Variants in GOLGA4 observed in about 807,000 individuals in gnomAD.
The protein encoded by GOLGA4 is golgin subfamily A member 4.
In GOLGA4, 169 loss-of-function variants were observed where a neutral mutation model predicts 265.9. The observed-to-expected ratio is 0.64, with a 90% CI of 0.56 to 0.72. The LOEUF is 0.72. Ranked by LOEUF, GOLGA4 falls within the 30% of genes least tolerant of loss-of-function variation. The pLI, the probability that GOLGA4 is intolerant of heterozygous loss-of-function variation, is 0.00. For synonymous variants in GOLGA4, 923 were observed against 855.8 expected (o/e 1.08, Z -1.37); for missense variants, 2,482 against 2,483.4 (o/e 1.00, Z 0.01).
At position 37,321,905 on chromosome 3, in the gene GOLGA4, C is replaced by T; in HGVS notation, c.1701+19C>T. ...CAGAACTGTAAGTTTTAATAATATTCAGATTCTGGAGTTGTGAAATTATTT... is the reference window on the plus strand; with the variant it reads ...CAGAACTGTAAGTTTTAATAATATTTAGATTCTGGAGTTGTGAAATTATTT... On this transcript the variant is annotated intron_variant, in intron 13 of 23. Coordinates refer to ENST00000361924, the MANE Select transcript of GOLGA4 (RefSeq NM_002078.5). 9.5e-6 allele frequency: 15 copies of T among 1,572,348 alleles called. No individual in the cohort carries two copies. Among genetic ancestry groups the T allele is most frequent in the Non-Finnish European group, 1.3e-5 (15 of 1,160,684 alleles).
At chr3:37,281,895 G>T in intron 2 of GOLGA4, 63 bp from the exon 3 acceptor site, 1 of 1,059,800 alleles carries the variant, frequency 9.4e-7, no homozygotes, top group Non-Finnish European at 1.4e-6. Context: ...TGCTGGTGAT[G>T]GGGTAATGGA....
chr3:37,347,085 G>A lies in GOLGA4; in HGVS notation c.6473-108G>A. The A allele has an allele frequency of 6.8e-6, 4 of 585,278 alleles. 1 individual carries two copies. Among genetic ancestry groups the A allele is most frequent in the South Asian group, 6.1e-5 (3 of 49,242 alleles). The allele number at this position is 585,278 out of a possible 1,614,324, so 36.3% of individuals were successfully genotyped here. A position where few individuals can be genotyped will look rare whatever the true frequency, so the allele number is the denominator to read the frequency against. ...CAATGCAATATGATACAATATAAAA[G>A]CATGCCTCTCTTTGTTCCATTGGTT... On this transcript the variant is annotated intron_variant, in intron 20 of 23. Coordinates refer to ENST00000361924, the MANE Select transcript of GOLGA4 (RefSeq NM_002078.5).
chr3:37,347,789 T>C (rs999915421), intron 21 of GOLGA4, among the ~76,000 whole-genome samples: 1 of 152,184 alleles, frequency 6.6e-6, no homozygotes, highest in Middle Eastern at 3.2e-3. Context: ...TAAGTAATAA[T>C]GCTTGGCTAA....
intron 2 of GOLGA4, among the ~76,000 whole-genome samples, chr3:37,277,460 T>C (rs2096822511): frequency 6.6e-6 from 1 of 152,206 alleles, no homozygotes; most frequent in Non-Finnish European, 1.5e-5. Context: ...TAGTGTAGTA[T>C]AGCTATTGTA....
intron 4 of GOLGA4, among the ~76,000 whole-genome samples, chr3:37,286,563 C>T (rs994012001): frequency 1.3e-5 from 2 of 152,028 alleles, no homozygotes; most frequent in African/African-American, 4.8e-5. Context: ...TGAATGAGAT[C>T]CCAGAGATTT....
intron 21 of GOLGA4, among the ~76,000 whole-genome samples, chr3:37,354,027 G>A (rs928964922): frequency 1.3e-5 from 2 of 152,128 alleles, no homozygotes; most frequent in Non-Finnish European, 2.9e-5. Context: ...AATAAGTATT[G>A]GAAATATGTG....
intron 20 of GOLGA4, among the ~76,000 whole-genome samples, chr3:37,346,465 T>C (rs1241871471): frequency 1.3e-5 from 2 of 152,216 alleles, no homozygotes; most frequent in Admixed American, 6.5e-5. Flanking sequence ...TAATATTATT[T>C]TGAGATTCAT....
At position 37,243,511 on chromosome 3, in the gene GOLGA4, C is replaced by A. The variant is rs1446655327; in HGVS notation, c.-40C>A. On this transcript the variant is annotated 5_prime_UTR_variant, in exon 1 of 24. Transcript: ENST00000361924. The stretch of plus-strand genomic sequence containing the variant: ...CGGGACTCCCCGGGCTCTCGCCCTT[C>A]AGGTTTCGTTGACACTCAGGACCGT... 2 of 1,590,284 alleles carry A rather than the reference C, an allele frequency of 1.3e-6. No individual in the cohort carries two copies. The highest frequency in any genetic ancestry group is 8.6e-7 in the Non-Finnish European group (1 of 1,158,314).
At chr3:37,340,321 T>A in intron 20 of GOLGA4, 122 bp downstream of exon 20, 2 of 486,182 alleles carry the variant, frequency 4.1e-6, no homozygotes, top group South Asian at 4.1e-5. Context: ...TTAATGATTT[T>A]ATTTTTTCTT....
intron 2 of GOLGA4, among the ~76,000 whole-genome samples, chr3:37,280,337 A>G (rs1474120225): frequency 6.6e-6 from 1 of 152,192 alleles, no homozygotes; most frequent in African/African-American, 2.4e-5. Flanking sequence ...TGAAATTGTG[A>G]CACCTTTGCT....
chr3:37,341,280 A>G (rs934457980), intron 20 of GOLGA4, among the ~76,000 whole-genome samples: 4 of 152,220 alleles, frequency 2.6e-5, no homozygotes, highest in Admixed American at 6.5e-5. Flanking sequence ...ATAATCTTAT[A>G]TAACACTTAT....
intron 21 of GOLGA4, among the ~76,000 whole-genome samples, chr3:37,353,350 CA>C (rs1340083293): frequency 3.3e-5 from 5 of 152,080 alleles, no homozygotes; most frequent in African/African-American, 1.2e-4. Flanking sequence ...AAAACAAAGC[CA>C]AAAACCAAGA....
intron 21 of GOLGA4, among the ~76,000 whole-genome samples, chr3:37,348,783 C>G (rs1029742838): frequency 2.0e-5 from 3 of 152,126 alleles, no homozygotes; most frequent in African/African-American, 7.2e-5. Flanking sequence ...CTGCCTTAAC[C>G]TGTTTCTTCT....
intron 5 of GOLGA4, 68 bp from the exon 6 acceptor site, chr3:37,294,911 T>C: frequency 2.0e-6 from 2 of 1,006,980 alleles, no homozygotes; most frequent in Non-Finnish European, 1.5e-6. Context: ...AACATGTTTT[T>C]AAATTTTGAA....
chr3:37,315,778 G>A (rs2096935921), intron 11 of GOLGA4, among the ~76,000 whole-genome samples, 180 bp downstream of exon 11: 1 of 152,092 alleles, frequency 6.6e-6, no homozygotes, highest in Non-Finnish European at 1.5e-5. Context: ...TAATTCTTTG[G>A]AACCTTTTAA....
At chr3:37,298,435 C>T (rs2096884232) in intron 7 of GOLGA4, among the ~76,000 whole-genome samples, 1 of 152,070 alleles carries the variant, frequency 6.6e-6, no homozygotes, top group South Asian at 2.1e-4. Flanking sequence ...CCAGCTGATC[C>T]ATCAAGTGCA....
At position 37,325,631 on chromosome 3, in the gene GOLGA4, A is replaced by G; in HGVS notation, c.3745A>G (p.Arg1249Gly). 1 of 1,613,872 alleles carries G rather than the reference A, an allele frequency of 6.2e-7. No homozygotes were observed. Among genetic ancestry groups the G allele is most frequent in the Non-Finnish European group, 8.5e-7 (1 of 1,179,764 alleles). Residue 1249 changes from arginine (R) to glycine (G), a missense_variant, in exon 14 of 24, where the codon AGG becomes GGG. Transcript: ENST00000361924. ...TAGTAAAACTAATGCCATTCTTTCT[A>G]GGATTTCTCATTGTCAGCACCGTAC... ...SSSKTNAILS[R>G]ISHCQHRTTK...
chr3:37,324,304 C>T lies in GOLGA4; in HGVS notation c.2418C>T (p.Tyr806=), dbSNP rs1266114823. The T allele has an allele frequency of 6.2e-7, 1 of 1,614,176 alleles. No individual in the cohort carries two copies. Among genetic ancestry groups the T allele is most frequent in the South Asian group, 1.1e-5 (1 of 91,082 alleles). The change falls in exon 14 of 24, where the codon TAC becomes TAT. Residue 806 remains tyrosine (Y), a synonymous_variant. Transcript: ENST00000361924. ...CTAAGCTGGACGTTTTTCAGTCTTA[C>T]CAGAGTGCCACACATGAGCAGACAA... The part of the protein sequence containing the change: ...ASAKLDVFQS[Y]QSATHEQTKA...
chr3:37,342,763 A>G (rs2097040919), intron 20 of GOLGA4, among the ~76,000 whole-genome samples: 1 of 152,246 alleles, frequency 6.6e-6, no homozygotes, highest in South Asian at 2.1e-4. Flanking sequence ...GCTAAGTCAT[A>G]GGATATGAAT....
Sources: allele counts gnomAD v4.1 joint callset (sites outside exome capture counted in the v4.1 genomes callset), GRCh38; gene constraint gnomAD v4.1.1; transcripts MANE v1.5; gene names NCBI Gene and HGNC (gene_info 2026-07-23, HGNC 2026-07-21).